The following TNFRSF19 variants were observed in gnomAD, a reference collection of about 807,000 sequenced individuals.
TNFRSF19 encodes the protein TNF receptor superfamily member 19.
Under a neutral mutation model 46.4 loss-of-function variants are expected in TNFRSF19, and 27 were observed. That is an observed-to-expected ratio of 0.58 (90% CI 0.43 to 0.80). The LOEUF is 0.80. TNFRSF19 is among the 30% of genes least tolerant of loss of function. The probability of loss-of-function intolerance (pLI) is 0.00; values close to 1 mark genes in which losing one functional copy is unlikely to be tolerated. For missense variants in TNFRSF19, 511 were observed against 530.8 expected (o/e 0.96, Z 0.37); for synonymous variants, 204 against 205.0 (o/e 1.00, Z 0.04).
At chr13:23,662,167 G>T (rs1443758567) in intron 7 of TNFRSF19, among the ~76,000 whole-genome samples, 1 of 152,092 alleles carries the variant, frequency 6.6e-6, no homozygotes, top group African/African-American at 2.4e-5. Context: ...TATAGTTTTG[G>T]TTTTTACATG....
rs370414907 is a variant in TNFRSF19, at chr13:23,666,867, C to T, written c.737-1113C>T. ...TTCTCACGGGCTTGCAATTGCATCT[C>T]AATATTTGGCATTCATTTTTATAAA... is the stretch of plus-strand genomic sequence containing the variant. On this transcript the variant is annotated intron_variant, in intron 7 of 9. Coordinates refer to ENST00000248484, the MANE Select transcript of TNFRSF19 (RefSeq NM_148957.4). 6.6e-5 allele frequency among the ~76,000 whole-genome samples: 10 copies of T among 152,114 alleles called. No homozygotes were observed. In the East Asian group the frequency reaches 1.5e-3, roughly 23 times the overall value.
chr13:23,599,023 G>A (rs1879934464), intron 3 of TNFRSF19, among the ~76,000 whole-genome samples: 1 of 152,194 alleles, frequency 6.6e-6, no homozygotes, highest in Non-Finnish European at 1.5e-5. Flanking sequence ...AGTGGCTTCT[G>A]ATAGATAGCG....
rs887149393 is a variant in TNFRSF19, at chr13:23,590,307, A to G, written c.69+55A>G. The stretch of plus-strand genomic sequence containing the variant: ...AATGTGGTGAAAGAATTCATGTACT[A>G]ATAAGTAGTAGGAGTACCAAAATCA... On this transcript the variant is annotated intron_variant, in intron 2 of 9. Coordinates refer to ENST00000248484, the MANE Select transcript of TNFRSF19 (RefSeq NM_148957.4). 6.7e-5 allele frequency: 73 copies of G among 1,082,842 alleles called. No individual in the cohort carries two copies. In the African/African-American group the frequency reaches 1.1e-3, roughly 16 times the overall value. 67.1% of individuals were successfully genotyped at this position (1,082,842 alleles called of 1,614,324 possible).
At chr13:23,670,561 A>T (rs183490891) in intron 9 of TNFRSF19, among the ~76,000 whole-genome samples, 45 of 152,370 alleles carry the variant, frequency 3.0e-4, no homozygotes, top group African/African-American at 9.9e-4. Flanking sequence ...CTTTTGAGCC[A>T]TCCATAATTT....
intron 5 of TNFRSF19, among the ~76,000 whole-genome samples, chr13:23,658,075 C>T (rs1018165417): frequency 6.7e-6 from 1 of 149,346 alleles, no homozygotes; most frequent in African/African-American, 2.5e-5. Context: ...CTTTTAAATC[C>T]ATTTCTCTCA....
chr13:23,657,432 C>T (rs1024678607), intron 5 of TNFRSF19, among the ~76,000 whole-genome samples: 2 of 152,118 alleles, frequency 1.3e-5, no homozygotes, highest in African/African-American at 2.4e-5. Flanking sequence ...AGACACAGAC[C>T]TTCAATCTCT....
chr13:23,662,136 T>G (rs9510797), intron 7 of TNFRSF19, among the ~76,000 whole-genome samples: 2 of 151,986 alleles, frequency 1.3e-5, no homozygotes, highest in Admixed American at 6.5e-5. Flanking sequence ...ATGGTATTGC[T>G]TAGGTTTTCT....
At chr13:23,606,040 C>T (rs147062678) in intron 3 of TNFRSF19, among the ~76,000 whole-genome samples, 178 of 151,898 alleles carry the variant, frequency 1.2e-3, no homozygotes, top group Middle Eastern at 3.4e-3. Flanking sequence ...TTGTGTGTGG[C>T]GGGGGAGGGC....
chr13:23,639,195 C>T (rs1882882772), intron 5 of TNFRSF19, among the ~76,000 whole-genome samples: 1 of 152,076 alleles, frequency 6.6e-6, no homozygotes, highest in African/African-American at 2.4e-5. Flanking sequence ...GAGTTCGAGA[C>T]CAGCCTTGCC....
intron 3 of TNFRSF19, among the ~76,000 whole-genome samples, chr13:23,611,174 G>A (rs1041165319): frequency 2.0e-5 from 3 of 151,906 alleles, no homozygotes; most frequent in African/African-American, 7.3e-5. Context: ...CATGATGGGA[G>A]GGACAACTCT....
chr13:23,632,818 G>A (rs1467276725), intron 5 of TNFRSF19, among the ~76,000 whole-genome samples: 2 of 152,158 alleles, frequency 1.3e-5, no homozygotes, highest in African/African-American at 2.4e-5. Flanking sequence ...ACCAGCCATG[G>A]TGGAGAGGAT....
rs1322219888 is a variant in TNFRSF19, at chr13:23,659,094, A to G, written c.490A>G (p.Ser164Gly). The G allele has an allele frequency of 2.5e-6, 4 of 1,613,830 alleles. No individual in the cohort carries two copies. The highest frequency in any genetic ancestry group is 3.4e-6 in the Non-Finnish European group (4 of 1,180,028). Residue 164 changes from serine (S) to glycine (G), a missense_variant, in exon 6 of 10, where the codon AGC becomes GGC. By Grantham distance (56) the Ser-to-Gly change is moderately conservative (BLOSUM62 0). Around this residue, in one of 3 missense-constraint regions of TNFRSF19, gnomAD observed 376 missense variants for 372.7 expected, o/e 1.01. Coordinates refer to ENST00000248484, the MANE Select transcript of TNFRSF19 (RefSeq NM_148957.4). This position sits in a 1 kb window ranked among gnomAD's most constrained non-coding sequence, Gnocchi z 4.9. ...NLVKIASTAS[S>G]PRDTALAAVI... ...CGTGAAGATCGCGTCCACGGCCTCC[A>G]GCCCACGGGACACGGCGCTGGCTGC...
chr13:23,633,108 C>A (rs540936934), intron 5 of TNFRSF19, among the ~76,000 whole-genome samples: 1 of 124,710 alleles, frequency 8.0e-6, no homozygotes, highest in Non-Finnish European at 1.7e-5. Flanking sequence ...CACTTGTTGA[C>A]GTCTTTTTTT....
At chr13:23,571,633 G>A (rs185237944) in intron 1 of TNFRSF19, among the ~76,000 whole-genome samples, 65 of 152,202 alleles carry the variant, frequency 4.3e-4, no homozygotes, top group African/African-American at 1.4e-3. Flanking sequence ...AAAACTATCT[G>A]AGTAATCAAC....
chr13:23,582,561 A>G (rs1357862222), intron 1 of TNFRSF19, among the ~76,000 whole-genome samples: 1 of 152,012 alleles, frequency 6.6e-6, no homozygotes, highest in Non-Finnish European at 1.5e-5. Flanking sequence ...ACCCTTAGTG[A>G]GATTGATTCG....
chr13:23,587,699 A>G (rs1341331652), intron 1 of TNFRSF19, among the ~76,000 whole-genome samples: 1 of 152,174 alleles, frequency 6.6e-6, no homozygotes, highest in African/African-American at 2.4e-5. Context: ...TGGAGTTGCC[A>G]GGCATGAATT....
chr13:23,619,826 A>G (rs977486919), intron 4 of TNFRSF19, among the ~76,000 whole-genome samples: 2 of 152,128 alleles, frequency 1.3e-5, no homozygotes, highest in Non-Finnish European at 2.9e-5. Flanking sequence ...GAAAGGCCTG[A>G]CCTAGGACTG....
chr13:23,669,253 C>T (rs1304287900), intron 9 of TNFRSF19, 156 bp downstream of exon 9: 1 of 1,406,716 alleles, frequency 7.1e-7, no homozygotes, highest in Non-Finnish European at 9.2e-7. Flanking sequence ...AAATAAATTT[C>T]AAGTATTTTT....
chr13:23,633,011 T>C (rs1000573725), intron 5 of TNFRSF19, among the ~76,000 whole-genome samples: 2 of 152,108 alleles, frequency 1.3e-5, no homozygotes, highest in Non-Finnish European at 2.9e-5. Context: ...ACCCCTGAGG[T>C]TTTCTCTCTA....
Sources: gnomAD v4.1 joint callset for allele counts (sites outside exome capture counted in the v4.1 genomes callset) on GRCh38, gnomAD v4.1.1 for gene constraint, gnomAD v4.1.1 regional missense constraint, Gnocchi (gnomAD v3.1) non-coding constraint, MANE v1.5 for transcripts, NCBI Gene and HGNC (gene_info 2026-07-23, HGNC 2026-07-21) for gene names.